PI4K2B: variants seen among roughly 807,000 people sequenced by gnomAD.
PI4K2B encodes the protein phosphatidylinositol 4-kinase type 2 beta.
Under a neutral mutation model 56.6 loss-of-function variants are expected in PI4K2B, and 46 were observed. That is an observed-to-expected ratio of 0.81 (90% CI 0.64 to 1.04). PI4K2B has a LOEUF of 1.04. Ranked by LOEUF, PI4K2B falls within the 50% of genes least tolerant of loss-of-function variation. PI4K2B has a pLI of 0.00. For synonymous variants in PI4K2B, 211 were observed against 223.8 expected (o/e 0.94, Z 0.51); for missense variants, 556 against 607.7 (o/e 0.91, Z 0.89).
chr4:25,268,913 A>G (rs1577697453), intron 8 of PI4K2B, among the ~76,000 whole-genome samples: 1 of 152,340 alleles, frequency 6.6e-6, no homozygotes, highest in Non-Finnish European at 1.5e-5. Context: ...TTGGCTGGAA[A>G]GTCATGTTAA....
intron 1 of PI4K2B, 140 bp from the exon 2 acceptor site, chr4:25,252,180 TG>T: frequency 2.2e-6 from 1 of 448,990 alleles, no homozygotes; most frequent in Non-Finnish European, 4.0e-6. Context: ...TGTTAGGCAG[TG>T]GGGGGAAGGA....
intron 3 of PI4K2B, among the ~76,000 whole-genome samples, 156 bp from the exon 4 acceptor site, chr4:25,256,387 C>T (rs1194641011): frequency 6.6e-6 from 1 of 152,190 alleles, no homozygotes; most frequent in Non-Finnish European, 1.5e-5. Context: ...CAAGGCTTTG[C>T]AAAATTCCCT....
At chr4:25,275,576 C>T (rs796994123) in intron 9 of PI4K2B, among the ~76,000 whole-genome samples, 44 of 152,228 alleles carry the variant, frequency 2.9e-4, no homozygotes, top group African/African-American at 1.0e-3. Flanking sequence ...GGGAGGATCG[C>T]TTGAGCCCAG....
intron 2 of PI4K2B, among the ~76,000 whole-genome samples, chr4:25,253,761 T>C (rs1716150248): frequency 6.6e-6 from 1 of 152,206 alleles, no homozygotes; most frequent in Admixed American, 6.5e-5. Context: ...GATTTTTTAA[T>C]ACGAGAGAAT....
intron 1 of PI4K2B, among the ~76,000 whole-genome samples, chr4:25,240,212 C>T (rs895734182): frequency 6.6e-6 from 1 of 152,136 alleles, no homozygotes; most frequent in African/African-American, 2.4e-5. Context: ...CTGTAAACAC[C>T]AGGTGGCATC....
intron 9 of PI4K2B, among the ~76,000 whole-genome samples, chr4:25,269,511 CA>C (rs1373989366): frequency 1.3e-5 from 2 of 151,090 alleles, no homozygotes; most frequent in African/African-American, 2.4e-5. Context: ...TGGTGGCGGG[CA>C]CCTGTAATCA....
In PI4K2B at chr4:25,278,885, T is replaced by C. The variant is rs1422927448; in HGVS notation, c.*1698T>C. The C allele has an allele frequency of 1.3e-5, 2 of 152,574 alleles. No individual in the cohort carries two copies. The highest frequency in any genetic ancestry group is 4.8e-5 in the African/African-American group (2 of 41,434). The allele number at this position is 152,574 out of a possible 1,614,324, so 9.5% of individuals were successfully genotyped here. On this transcript the variant is annotated 3_prime_UTR_variant, in exon 10 of 10. Transcript: ENST00000264864. ...TTTATATCATAAAATTAAAATACCA[T>C]GGTAATATTTGCAAAAGGTCTGGCC...
intron 1 of PI4K2B, among the ~76,000 whole-genome samples, chr4:25,244,010 T>C (rs1715654024): frequency 6.6e-6 from 1 of 152,174 alleles, no homozygotes. Context: ...TTCTTCTCAT[T>C]AAAGGCCAGG....
At chr4:25,260,233 T>G (rs1716408151) in intron 5 of PI4K2B, among the ~76,000 whole-genome samples, 1 of 152,206 alleles carries the variant, frequency 6.6e-6, no homozygotes, top group Admixed American at 6.5e-5. Flanking sequence ...TTTAATAACC[T>G]TGATTTAATA....
intron 9 of PI4K2B, among the ~76,000 whole-genome samples, chr4:25,269,437 G>A (rs1473250168): frequency 6.6e-6 from 1 of 152,030 alleles, no homozygotes; most frequent in Non-Finnish European, 1.5e-5. Flanking sequence ...AGGAGTTCGA[G>A]ACCAGCCTGG....
intron 3 of PI4K2B, among the ~76,000 whole-genome samples, chr4:25,256,153 A>G (rs761462979): frequency 5.9e-5 from 9 of 152,188 alleles, no homozygotes; most frequent in Non-Finnish European, 1.2e-4. Context: ...CCTGAGCTCA[A>G]GCAGTCTACC....
intron 1 of PI4K2B, among the ~76,000 whole-genome samples, chr4:25,251,122 G>A (rs1443361314): frequency 6.6e-6 from 1 of 152,190 alleles, no homozygotes. Flanking sequence ...GTCCAGGCTT[G>A]AATTAGAAAT....
rs1279964622 is a variant in PI4K2B at position 25,255,219 on chromosome 4, A to C, written c.578A>C (p.Tyr193Ser). The C allele has an allele frequency of 1.2e-6, 2 of 1,614,196 alleles. No individual in the cohort carries two copies. The highest frequency in any genetic ancestry group is 1.7e-5 in the Admixed American group (1 of 60,020). ...GGGTACCTTTCCGAAGCGGGTGCCT[A>C]TCTTGTGGACAACAAGCTTCATCTG... The part of the protein sequence containing the change: ...NQGYLSEAGA[Y>S]LVDNKLHLSI... Residue 193 changes from tyrosine (Y) to serine (S), a missense_variant, in exon 3 of 10, where the codon TAT becomes TCT. Tyr to Ser is a moderately radical substitution (Grantham distance 144). Coordinates refer to ENST00000264864, the MANE Select transcript of PI4K2B (RefSeq NM_018323.4).
chr4:25,262,673 T>C (rs967789529), intron 6 of PI4K2B, among the ~76,000 whole-genome samples: 1 of 152,220 alleles, frequency 6.6e-6, no homozygotes, highest in African/African-American at 2.4e-5. Context: ...TCTGTTTTAA[T>C]TTCTAAGTAA....
chr4:25,249,382 G>C (rs1353204868), intron 1 of PI4K2B, among the ~76,000 whole-genome samples: 2 of 144,502 alleles, frequency 1.4e-5, no homozygotes, highest in Non-Finnish European at 3.2e-5. Context: ...TCCCAGACGG[G>C]GTGGCCGGGC....
chr4:25,257,084 G>T (rs1432828317), intron 4 of PI4K2B, among the ~76,000 whole-genome samples: 1 of 150,660 alleles, frequency 6.6e-6, no homozygotes, highest in Non-Finnish European at 1.5e-5. Context: ...TTGATAGAGG[G>T]TCTCACTCTG....
At chr4:25,256,062 G>A (rs1716252767) in intron 3 of PI4K2B, among the ~76,000 whole-genome samples, 12 of 152,146 alleles carry the variant, frequency 7.9e-5, no homozygotes, top group Admixed American at 7.9e-4. Flanking sequence ...TGTAATACAG[G>A]CATCACCACC....
chr4:25,257,806 A>G (rs1716311169), intron 4 of PI4K2B, among the ~76,000 whole-genome samples: 1 of 152,222 alleles, frequency 6.6e-6, no homozygotes, highest in Admixed American at 6.5e-5. Context: ...ACATGCTGAA[A>G]TAAGTGTGAC....
In PI4K2B at chr4:25,269,413, A is replaced by G. The variant is rs573379331; in HGVS notation, c.1272+210A>G. 8.5e-3 allele frequency among the ~76,000 whole-genome samples: 1,286 copies of G among 152,142 alleles called. 9 individuals carry two copies. The highest frequency in any genetic ancestry group is 0.028 in the African/African-American group (1,180 of 41,520). On this transcript the variant is annotated intron_variant, in intron 9 of 9. Transcript: ENST00000264864. The stretch of plus-strand genomic sequence containing the variant: ...GTGCTTTGGGAGGCCAAGGCGGGTG[A>G]ATCACCTGAGGTCAGGAGTTCGAGA...
Sources: allele counts gnomAD v4.1 joint callset (sites outside exome capture counted in the v4.1 genomes callset), GRCh38; gene constraint gnomAD v4.1.1; transcripts MANE v1.5; gene names NCBI Gene and HGNC (gene_info 2026-07-23, HGNC 2026-07-21).